The following TNFRSF8 variants were observed in gnomAD, a reference collection of about 807,000 sequenced individuals.
The protein encoded by TNFRSF8 is TNF receptor superfamily member 8.
Under a neutral mutation model 70.8 loss-of-function variants are expected in TNFRSF8, and 26 were observed. The observed-to-expected ratio is 0.37, with a 90% CI of 0.27 to 0.51. TNFRSF8 has a LOEUF of 0.51. Among genes scored for constraint, TNFRSF8 ranks in the 20% least tolerant of loss-of-function variants. The pLI is 0.94. For synonymous variants in TNFRSF8, 356 were observed against 339.2 expected (o/e 1.05, Z -0.54); for missense variants, 720 against 807.9 (o/e 0.89, Z 1.32).
In TNFRSF8 at chr1:12,142,140, T is replaced by C; in HGVS notation, c.1544-147T>C. The stretch of plus-strand genomic sequence containing the variant: ...ATTTCCTCTGAGCCCCCAGGATGCC[T>C]GTAAGGTACATCAGAGAGGCTGTGC... On this transcript the variant is annotated intron_variant, in intron 14 of 14. Transcript: ENST00000263932. This position sits in a 1 kb window ranked among gnomAD's most constrained non-coding sequence, Gnocchi z 5.0. 1 of 1,163,974 alleles carries C rather than the reference T, an allele frequency of 8.6e-7. No individual in the cohort carries two copies. The highest frequency in any genetic ancestry group is 1.2e-6 in the Non-Finnish European group (1 of 842,082). The allele number at this position is 1,163,974 out of a possible 1,614,324, so 72.1% of individuals were successfully genotyped here.
rs1293837096 is a variant in TNFRSF8, at chr1:12,130,439, G to A, written c.1309+4203G>A. Among the ~76,000 whole-genome samples the A allele has an allele frequency of 3.3e-5, 5 of 152,232 alleles. No homozygotes were observed. In the East Asian group the frequency reaches 9.7e-4, roughly 29 times the overall value. ...CTGAGATGTTCCCAGCTTAACTTGTGTGCTCCTGCCCCGGCCCTGGAATCA... is the reference window on the plus strand; with the variant it reads ...CTGAGATGTTCCCAGCTTAACTTGTATGCTCCTGCCCCGGCCCTGGAATCA... On this transcript the variant is annotated intron_variant, in intron 12 of 14. Coordinates refer to ENST00000263932, the MANE Select transcript of TNFRSF8 (RefSeq NM_001243.5).
In TNFRSF8 at chr1:12,143,128, T is replaced by A. The variant is rs1421927870; in HGVS notation, c.*597T>A. ...ACTGTCTCTGCTGCAGCGGCCACACTGTACTCTGCACTGGTGTGAGGGCCC... is the reference window on the plus strand; with the variant it reads ...ACTGTCTCTGCTGCAGCGGCCACACAGTACTCTGCACTGGTGTGAGGGCCC... On this transcript the variant is annotated 3_prime_UTR_variant, in exon 15 of 15. Transcript: ENST00000263932. The surrounding 1 kb of genome is among the most constrained non-coding windows in gnomAD (Gnocchi z 4.1). 2 of 154,764 alleles carry A rather than the reference T, an allele frequency of 1.3e-5. No individual in the cohort carries two copies. The highest frequency in any genetic ancestry group is 1.9e-4 in the East Asian group (1 of 5,214). The allele number at this position is 154,764 out of a possible 1,614,324, so 9.6% of individuals were successfully genotyped here.
intron 2 of TNFRSF8, among the ~76,000 whole-genome samples, chr1:12,087,271 A>C (rs927770460): frequency 2.0e-5 from 3 of 149,416 alleles, no homozygotes; most frequent in African/African-American, 7.4e-5. Flanking sequence ...AGGTTCAAGC[A>C]ATTCTCTTGC....
chr1:12,120,318 G>A (rs1381536471), intron 8 of TNFRSF8, among the ~76,000 whole-genome samples: 2 of 152,190 alleles, frequency 1.3e-5, no homozygotes, highest in Non-Finnish European at 2.9e-5. Context: ...CCAGATCAGA[G>A]CAGGAAAATG....
intron 1 of TNFRSF8, among the ~76,000 whole-genome samples, chr1:12,064,593 C>T (rs1394811343): frequency 6.6e-6 from 1 of 152,112 alleles, no homozygotes; most frequent in East Asian, 1.9e-4. Flanking sequence ...AGACCCAGTT[C>T]CCCTTTAATC....
chr1:12,067,903 C>CGG (rs142444137), intron 1 of TNFRSF8, among the ~76,000 whole-genome samples: 1,150 of 69,100 alleles, frequency 0.017, 23 homozygotes, highest in African/African-American at 0.046. Context: ...GGCGGGGGGG[C>CGG]GGGGGGGGGA....
intron 1 of TNFRSF8, among the ~76,000 whole-genome samples, chr1:12,066,604 CG>C (rs1640745729): frequency 6.6e-6 from 1 of 152,022 alleles, no homozygotes; most frequent in African/African-American, 2.4e-5. Flanking sequence ...CCATCCACCT[CG>C]GCATCCCAAA....
rs149570709 is a variant in TNFRSF8, at chr1:12,110,050, C to T, written c.522C>T (p.Ile174=). ...ENCKEPSSGT[I]PQAKPTPVSP... ...CTGGCTTCTTCCCCAGTGGCACCAT[C>T]CCCCAGGCCAAGCCCACCCCGGTGT... is the stretch of plus-strand genomic sequence containing the variant. The change falls in exon 6 of 15, where the codon ATC becomes ATT. Residue 174 remains isoleucine (I), a synonymous_variant. Coordinates refer to ENST00000263932, the MANE Select transcript of TNFRSF8 (RefSeq NM_001243.5). This position sits in a 1 kb window ranked among gnomAD's most constrained non-coding sequence, Gnocchi z 4.0. 49 of 1,612,594 alleles carry T rather than the reference C, an allele frequency of 3.0e-5. 2 individuals are homozygous for T. The South Asian group carries it at 5.2e-4, about 17-fold the overall frequency.
At chr1:12,105,571 T>TCA (rs1375624859) in intron 4 of TNFRSF8, among the ~76,000 whole-genome samples, 2 of 47,240 alleles carry the variant, frequency 4.2e-5, no homozygotes, top group Admixed American at 3.4e-4. Flanking sequence ...TCTCTCTCTG[T>TCA]CTCACACACA....
chr1:12,110,890 C>G lies in TNFRSF8; in HGVS notation c.676+686C>G, dbSNP rs534816001. On this transcript the variant is annotated intron_variant, in intron 6 of 14. Coordinates refer to ENST00000263932, the MANE Select transcript of TNFRSF8 (RefSeq NM_001243.5). The surrounding 1 kb of genome is among the most constrained non-coding windows in gnomAD (Gnocchi z 4.0). ...TGGGAGGATTACAGGCGTGAGCCAC[C>G]GCGCCCAACCTAGTCCCATTTTATT... Among the ~76,000 whole-genome samples, 7 of 152,300 alleles carry G rather than the reference C, an allele frequency of 4.6e-5. No individual in the cohort carries two copies. The East Asian group carries it at 1.4e-3, about 29-fold the overall frequency.
At chr1:12,126,474 G>A (rs1641943002) in intron 12 of TNFRSF8, among the ~76,000 whole-genome samples, 1 of 152,234 alleles carries the variant, frequency 6.6e-6, no homozygotes, top group Admixed American at 6.5e-5. Context: ...CTTGCCCAGA[G>A]CAGCACCTGG....
chr1:12,126,574 T>G (rs1322784342), intron 12 of TNFRSF8, among the ~76,000 whole-genome samples: 1 of 152,152 alleles, frequency 6.6e-6, no homozygotes, highest in East Asian at 1.9e-4. Flanking sequence ...AGCCTTGCCT[T>G]CCTCTCTACA....
intron 2 of TNFRSF8, among the ~76,000 whole-genome samples, chr1:12,087,223 G>A (rs1641171170): frequency 1.4e-5 from 2 of 141,792 alleles, no homozygotes; most frequent in Non-Finnish European, 3.0e-5. Context: ...GCTGGAGTAC[G>A]GTGGTGTGAT....
chr1:12,069,728 A>G (rs989781254), intron 1 of TNFRSF8, among the ~76,000 whole-genome samples: 1 of 152,178 alleles, frequency 6.6e-6, no homozygotes, highest in African/African-American at 2.4e-5. Flanking sequence ...GAGTTCATCC[A>G]TGCACCGCAT....
rs967881857 is a variant in TNFRSF8 at position 12,142,700 on chromosome 1, C to T, written c.*169C>T. The T allele has an allele frequency of 4.5e-6, 4 of 893,598 alleles. No homozygotes were observed. The Admixed American group carries it at 1.2e-4, about 26-fold the overall frequency. The allele number at this position is 893,598 out of a possible 1,614,324, so 55.4% of individuals were successfully genotyped here. On this transcript the variant is annotated 3_prime_UTR_variant, in exon 15 of 15. Coordinates refer to ENST00000263932, the MANE Select transcript of TNFRSF8 (RefSeq NM_001243.5). The surrounding 1 kb of genome is among the most constrained non-coding windows in gnomAD (Gnocchi z 5.0). ...GCAGGGGTCTGGTGGTCTCTGCTTG[C>T]ATCCCCAACTTAGCTGTCCCCTGAC...
chr1:12,142,608 T>C lies in TNFRSF8; in HGVS notation c.*77T>C, dbSNP rs1289578302. The C allele has an allele frequency of 6.6e-7, 1 of 1,506,940 alleles. No individual in the cohort carries two copies. Among genetic ancestry groups the C allele is most frequent in the African/African-American group, 1.4e-5 (1 of 72,038 alleles). The allele number at this position is 1,506,940 out of a possible 1,614,324, so 93.3% of individuals were successfully genotyped here. ...CAGGATGGCACTGTTGGCACCGAGG[T>C]TGGGGGCAGAGGCCCATCTGGCCTG... On this transcript the variant is annotated 3_prime_UTR_variant, in exon 15 of 15. Coordinates refer to ENST00000263932, the MANE Select transcript of TNFRSF8 (RefSeq NM_001243.5). The surrounding 1 kb of genome is among the most constrained non-coding windows in gnomAD (Gnocchi z 5.0).
intron 14 of TNFRSF8, among the ~76,000 whole-genome samples, chr1:12,139,613 C>G (rs1413649774): frequency 6.6e-6 from 1 of 152,204 alleles, no homozygotes; most frequent in Non-Finnish European, 1.5e-5. Flanking sequence ...CTTGGTGGAC[C>G]CCACCTCTGT....
chr1:12,073,699 T>C (rs1640888797), intron 1 of TNFRSF8, among the ~76,000 whole-genome samples: 2 of 151,544 alleles, frequency 1.3e-5, no homozygotes, highest in African/African-American at 2.4e-5. Flanking sequence ...GTTCAAACGA[T>C]TCTCCTGCCT....
intron 3 of TNFRSF8, among the ~76,000 whole-genome samples, chr1:12,099,743 A>G (rs908858492): frequency 4.6e-5 from 7 of 151,868 alleles, no homozygotes; most frequent in Admixed American, 1.3e-4. Flanking sequence ...CCTACTGCAC[A>G]CCTAGGTTCT....
Sources: gnomAD v4.1 joint callset for allele counts (sites outside exome capture counted in the v4.1 genomes callset) on GRCh38, gnomAD v4.1.1 for gene constraint, Gnocchi (gnomAD v3.1) non-coding constraint, MANE v1.5 for transcripts, NCBI Gene and HGNC (gene_info 2026-07-23, HGNC 2026-07-21) for gene names.